The following NOL6 variants were observed in gnomAD, a reference collection of about 807,000 sequenced individuals.
NOL6 encodes the protein nucleolar protein 6.
NOL6 carries 33 observed loss-of-function variants against 131.7 expected under a neutral mutation model. That is an observed-to-expected ratio of 0.25 (90% CI 0.19 to 0.33). NOL6 has a LOEUF of 0.33. Among genes scored for constraint, NOL6 ranks in the 10% least tolerant of loss-of-function variants. The pLI, the probability that NOL6 is intolerant of heterozygous loss-of-function variation, is 1.00. For synonymous variants in NOL6, 580 were observed against 605.7 expected, an observed-to-expected ratio of 0.96 and a Z score of 0.62; for missense variants, 1,297 against 1,494.5, an observed-to-expected ratio of 0.87 and a Z score of 2.18.
At chr9:33,463,746 G>A (rs533510128) in intron 23 of NOL6, 85 bp downstream of exon 23, 10 of 1,398,974 alleles carry the variant, frequency 7.1e-6, no homozygotes, top group East Asian at 2.3e-5. Context: ...CAAGGGGACC[G>A]GGTCTCCTGT....
In NOL6 at chr9:33,463,385, G is replaced by A; in HGVS notation, c.3051C>T (p.Arg1017=). 6.2e-7 allele frequency: 1 copy of A among 1,614,116 alleles called. No homozygotes were observed. The highest frequency in any genetic ancestry group is 2.2e-5 in the East Asian group (1 of 44,874). The change falls in exon 24 of 26, where the codon CGC becomes CGT. Residue 1017 remains arginine (R), a synonymous_variant. Coordinates refer to ENST00000297990, the MANE Select transcript of NOL6 (RefSeq NM_022917.5). ...IYDVLIRLSP[R]HIPRHRQAVD... is the part of the protein sequence containing the mutation. ...CAGCCTGGCGGTGCCGCGGGATATGGCGAGGAGACAGGCGAATCAGCACGT... is the reference window on the plus strand; with the variant it reads ...CAGCCTGGCGGTGCCGCGGGATATGACGAGGAGACAGGCGAATCAGCACGT...
intron 1 of NOL6, 59 bp from the exon 2 acceptor site, chr9:33,472,471 A>G: frequency 1.4e-6 from 2 of 1,379,498 alleles, no homozygotes; most frequent in Non-Finnish European, 2.0e-6. Context: ...TCTGCTGCCT[A>G]AAGTGCCACC....
At chr9:33,468,235 G>A in intron 10 of NOL6, 86 bp downstream of exon 10, 1 of 1,608,550 alleles carries the variant, frequency 6.2e-7, no homozygotes. Context: ...TCTTTGAAGA[G>A]GAGTTTCTGG....
At chr9:33,464,441 C>A (rs1330270833) in intron 21 of NOL6, among the ~76,000 whole-genome samples, 1 of 152,130 alleles carries the variant, frequency 6.6e-6, no homozygotes, top group Admixed American at 6.6e-5. Context: ...CCCTGGCCCC[C>A]TCCCACCATG....
Position 33,469,051 on chromosome 9 carries a change from C to T in NOL6, c.933G>A (p.Leu311=), listed in dbSNP as rs1827333207. The T allele has an allele frequency of 6.2e-7, 1 of 1,614,076 alleles. No individual in the cohort carries two copies. The highest frequency in any genetic ancestry group is 1.7e-5 in the Admixed American group (1 of 60,000). Residue 311 remains leucine, a synonymous_variant, in exon 7 of 26, where the codon TTG becomes TTA. Transcript: ENST00000297990. ...VLQDTVLESH[L]QLLSTILSSA... is the part of the protein sequence containing the mutation. ...AACTCAGAATGGTTGACAGCAGCTG[C>T]AAATGGGACTCGAGAACTGTATCTT... is the stretch of plus-strand genomic sequence containing the variant.
rs777904888 is a variant in NOL6, at chr9:33,467,737, C to T, written c.1556G>A (p.Gly519Glu). The T allele has an allele frequency of 6.2e-7, 1 of 1,601,624 alleles. No homozygotes were observed. The highest frequency in any genetic ancestry group is 8.5e-7 in the Non-Finnish European group (1 of 1,174,318). The part of the protein sequence containing the change: ...PLTTLLEQGL[G>E]ARLNLLAHSR... Reference sequence around the variant, plus strand: ...GTGAGCCAGCAGGTTCAGCCGAGCCCCCAGGCCCTGCTCCAGGAGGGTGGT... The same window carrying T: ...GTGAGCCAGCAGGTTCAGCCGAGCCTCCAGGCCCTGCTCCAGGAGGGTGGT... Residue 519 changes from glycine to glutamate, a missense_variant, in exon 12 of 26, where the codon GGG (glycine) becomes GAG (glutamate). Physicochemically the swap from Gly to Glu is moderately conservative, Grantham distance 98. Coordinates refer to ENST00000297990, the MANE Select transcript of NOL6 (RefSeq NM_022917.5). This position sits in a 1 kb window ranked among gnomAD's most constrained non-coding sequence, Gnocchi z 4.4.
Position 33,473,847 on chromosome 9 carries a change from C to T in NOL6, c.-5G>A. The T allele has an allele frequency of 6.2e-7, 1 of 1,610,400 alleles. No individual in the cohort carries two copies. Among genetic ancestry groups the T allele is most frequent in the Non-Finnish European group, 8.5e-7 (1 of 1,180,042 alleles). On this transcript the variant is annotated 5_prime_UTR_variant, in exon 1 of 26. Coordinates refer to ENST00000297990, the MANE Select transcript of NOL6 (RefSeq NM_022917.5). Reference sequence around the variant, plus strand: ...TCCAGCTGGCGCCGGCCCCATCACTCAGGGTCCAGCACTCTCCCGCACTTC... The same window carrying T: ...TCCAGCTGGCGCCGGCCCCATCACTTAGGGTCCAGCACTCTCCCGCACTTC...
At position 33,465,483 on chromosome 9, in the gene NOL6, A is replaced by T. The variant is rs570809813; in HGVS notation, c.2529-124T>A. The stretch of plus-strand genomic sequence containing the variant: ...ATGTAATCTCATATTCTCTTAAGAA[A>T]TGCACCAAGAAGTTGACCCTAGTGT... On this transcript the variant is annotated intron_variant, in intron 19 of 25. Coordinates refer to ENST00000297990, the MANE Select transcript of NOL6 (RefSeq NM_022917.5). 1,036 of 1,231,090 alleles carry T rather than the reference A, an allele frequency of 8.4e-4. 1 individual carries two copies. The highest frequency in any genetic ancestry group is 1.0e-3 in the Non-Finnish European group (926 of 897,536). 76.3% of individuals were successfully genotyped at this position (1,231,090 alleles called of 1,614,324 possible). A position where few individuals can be genotyped will look rare whatever the true frequency, so the allele number is the denominator to read the frequency against.
In NOL6 at chr9:33,463,908, G is replaced by A. The variant is rs747524028; in HGVS notation, c.2917C>T (p.Leu973Phe). ...DGPSAQILQQ[L>F]VVLAAEALPM... ...AGGGCTTCAGCTGCCAGGACCACAA[G>A]CTGCTGCAGGATCTGCGGGGTACAG... Residue 973 changes from leucine to phenylalanine, a missense_variant, in exon 23 of 26, where the codon CTT becomes TTT. Physicochemically the swap from Leu to Phe is conservative, Grantham distance 22. Transcript: ENST00000297990. 2 of 1,614,142 alleles carry A rather than the reference G, an allele frequency of 1.2e-6. No homozygotes were observed. Among genetic ancestry groups the A allele is most frequent in the South Asian group, 2.2e-5 (2 of 91,084 alleles).
In NOL6 at chr9:33,466,350, G is replaced by T. The variant is rs35135082; in HGVS notation, c.2167C>A (p.Arg723=). 9 of 1,614,068 alleles carry T rather than the reference G, an allele frequency of 5.6e-6. No homozygotes were observed. In the East Asian group the frequency reaches 6.7e-5, roughly 12 times the overall value. ...TAGGCCGGACAGGGCTTATCGAGCC[G>T]GGGCAGCAGTGAGGACCGCTCCCGC... ...TLRERSSLLP[R]LDKPCPAYVE... The change falls in exon 17 of 26, where the codon CGG becomes AGG. Residue 723 remains arginine, a synonymous_variant. Transcript: ENST00000297990.
Position 33,461,537 on chromosome 9 carries a change from C to A in NOL6, c.*1127G>T, listed in dbSNP as rs1213625993. ...AGAACTCCTGAGCTCAAGTGATTCT[C>A]CTGACTCCCTAAGTGTTGGGATTAC... is the stretch of plus-strand genomic sequence containing the variant. On this transcript the variant is annotated 3_prime_UTR_variant, in exon 26 of 26. Transcript: ENST00000297990. 1.3e-5 allele frequency: 2 copies of A among 152,280 alleles called. No individual in the cohort carries two copies. The highest frequency in any genetic ancestry group is 3.9e-4 in the East Asian group (2 of 5,192). The allele number at this position is 152,280 out of a possible 1,614,324, so 9.4% of individuals were successfully genotyped here.
At position 33,472,322 on chromosome 9, in the gene NOL6, G is replaced by A. The variant is rs757903656; in HGVS notation, c.145C>T (p.Leu49Phe). 2.5e-6 allele frequency: 4 copies of A among 1,614,084 alleles called. No homozygotes were observed. The highest frequency in any genetic ancestry group is 3.3e-5 in the Admixed American group (2 of 60,006). The change falls in exon 2 of 26, where the codon CTC (leucine) becomes TTC (phenylalanine). Residue 49 changes from leucine to phenylalanine, a missense_variant. Physicochemically the swap from Leu to Phe is conservative, Grantham distance 22 (BLOSUM62 0). Coordinates refer to ENST00000297990, the MANE Select transcript of NOL6 (RefSeq NM_022917.5). ...RTLAEPPAKG[L>F]LQPVKLSRAE... ...CTGCTGAGCTTCACTGGCTGCAGGA[G>A]GCCCTTCGCTGGAGGTTCAGCCAAT... is the stretch of plus-strand genomic sequence containing the variant.
At chr9:33,464,673 T>TA (rs1272255559) in intron 21 of NOL6, among the ~76,000 whole-genome samples, 1 of 152,154 alleles carries the variant, frequency 6.6e-6, no homozygotes, top group African/African-American at 2.4e-5. Flanking sequence ...GTAGCTTGCT[T>TA]ACCACCCTAT....
chr9:33,468,043 C>T lies in NOL6; in HGVS notation c.1411G>A (p.Asp471Asn). 1 of 1,614,128 alleles carries T rather than the reference C, an allele frequency of 6.2e-7. No homozygotes were observed. ...CCCTAAACTCACTGCAGGACATGGT[C>T]AAAAGCCCGGATCATGGGTTTGGGA... Reference protein sequence around the residue: ...MTPKPMIRAFDHVLHLRPLSR... With the variant: ...MTPKPMIRAFNHVLHLRPLSR... Residue 471 changes from aspartate to asparagine, a missense_variant, in exon 11 of 26, where the codon GAC becomes AAC. Transcript: ENST00000297990.
chr9:33,472,459 C>T (rs1433470578), intron 1 of NOL6, 47 bp from the exon 2 acceptor site: 4 of 1,487,110 alleles, frequency 2.7e-6, no homozygotes, highest in Admixed American at 3.7e-5. Flanking sequence ...AGGTATCTAG[C>T]ATCTGCTGCC....
At position 33,472,288 on chromosome 9, in the gene NOL6, A is replaced by G; in HGVS notation, c.179T>C (p.Leu60Pro). Reference sequence around the variant, plus strand: ...CTCCTCATTGGTAGGCTCCTTGTACAGTTCTGCCCTGCTGAGCTTCACTGG... The same window carrying G: ...CTCCTCATTGGTAGGCTCCTTGTACGGTTCTGCCCTGCTGAGCTTCACTGG... ...LQPVKLSRAE[L>P]YKEPTNEELN... Residue 60 changes from leucine (L) to proline (P), a missense_variant, in exon 2 of 26, where the codon CTG (leucine) becomes CCG (proline). By Grantham distance (98) the Leu-to-Pro change is moderately conservative (BLOSUM62 -3). Transcript: ENST00000297990. 1.2e-6 allele frequency: 2 copies of G among 1,614,238 alleles called. No individual in the cohort carries two copies. Among genetic ancestry groups the G allele is most frequent in the Non-Finnish European group, 8.5e-7 (1 of 1,180,042 alleles).
Position 33,462,074 on chromosome 9 carries a change from T to C in NOL6, c.*590A>G. 1 of 711,604 alleles carries C rather than the reference T, an allele frequency of 1.4e-6. No individual in the cohort carries two copies. The highest frequency in any genetic ancestry group is 2.6e-6 in the Non-Finnish European group (1 of 380,884). 44.1% of individuals were successfully genotyped at this position (711,604 alleles called of 1,614,324 possible). On this transcript the variant is annotated 3_prime_UTR_variant, in exon 26 of 26. Coordinates refer to ENST00000297990, the MANE Select transcript of NOL6 (RefSeq NM_022917.5). Reference sequence around the variant, plus strand: ...TCCTGTCCTCGGTTCTTTTCCACTGTCTCCACCCTGGGAAGTGGCATCAAC... The same window carrying C: ...TCCTGTCCTCGGTTCTTTTCCACTGCCTCCACCCTGGGAAGTGGCATCAAC...
chr9:33,466,953 C>T lies in NOL6; in HGVS notation c.1909G>A (p.Val637Met), dbSNP rs147891900. The T allele has an allele frequency of 5.3e-4, 855 of 1,614,084 alleles. 1 individual carries two copies. Among genetic ancestry groups the T allele is most frequent in the Non-Finnish European group, 6.7e-4 (789 of 1,180,050 alleles). The change falls in exon 15 of 26, where the codon GTG becomes ATG. Residue 637 changes from valine to methionine, a missense_variant. Val to Met is a conservative substitution (Grantham distance 21). Coordinates refer to ENST00000297990, the MANE Select transcript of NOL6 (RefSeq NM_022917.5). Reference protein sequence around the residue: ...ADIPETCVHYVGGPLDALIQG... With the variant: ...ADIPETCVHYMGGPLDALIQG... ...ATAAGTGCATCCAGGGGGCCCCCCACATAGTGGACACAGGTTTCTGGGATG... is the reference window on the plus strand; with the variant it reads ...ATAAGTGCATCCAGGGGGCCCCCCATATAGTGGACACAGGTTTCTGGGATG...
chr9:33,464,862 C>CAGCTG lies in NOL6; in HGVS notation c.2779+16_2779+17insCAGCT. On this transcript the variant is annotated intron_variant, in intron 21 of 25. Coordinates refer to ENST00000297990, the MANE Select transcript of NOL6 (RefSeq NM_022917.5). ...GAGCTGTTCTTCCAGCAGTCTGACC[C>CAGCTG]CTGTTCTACCACTTACCAGTGAGCT... 1 of 1,576,552 alleles carries CAGCTG rather than the reference C, an allele frequency of 6.3e-7. No homozygotes were observed. The highest frequency in any genetic ancestry group is 8.7e-7 in the Non-Finnish European group (1 of 1,146,372).
Sources: gnomAD v4.1 joint callset for allele counts (sites outside exome capture counted in the v4.1 genomes callset) on GRCh38, gnomAD v4.1.1 for gene constraint, Gnocchi (gnomAD v3.1) non-coding constraint, MANE v1.5 for transcripts, NCBI Gene and HGNC (gene_info 2026-07-23, HGNC 2026-07-21) for gene names.